CNBP: variants seen among roughly 807,000 people sequenced by gnomAD.
CNBP encodes cellular nucleic acid-binding protein.
A neutral mutation model predicts 21.2 loss-of-function variants in CNBP; 6 were observed. The observed-to-expected ratio is 0.28, with a 90% CI of 0.16 to 0.56. CNBP has a LOEUF of 0.56. CNBP is among the 20% of genes least tolerant of loss of function. CNBP has a pLI of 0.93. For missense variants in CNBP, 112 were observed against 233.1 expected (o/e 0.48, Z 3.38); for synonymous variants, 61 against 74.9 (o/e 0.81, Z 0.96).
At chr3:129,177,171 G>A (rs1468185523) in intron 1 of CNBP, among the ~76,000 whole-genome samples, 1 of 152,142 alleles carries the variant, frequency 6.6e-6, no homozygotes, top group Non-Finnish European at 1.5e-5. Flanking sequence ...ACTTTTGTCA[G>A]GCAGCAGGAA....
intron 4 of CNBP, 24 bp downstream of exon 4, chr3:129,171,055 T>C (rs757705986): frequency 6.3e-7 from 1 of 1,599,372 alleles, no homozygotes; most frequent in Non-Finnish European, 8.5e-7. Flanking sequence ...TGAGTTTTCT[T>C]CTAACAACAT....
chr3:129,174,371 A>AC (rs1383057399), intron 1 of CNBP, among the ~76,000 whole-genome samples: 1 of 150,210 alleles, frequency 6.7e-6, no homozygotes, highest in Non-Finnish European at 1.5e-5. Context: ...AAAAAAAAAA[A>AC]AAACGAATGG....
Position 129,170,348 on chromosome 3 carries a change from G to T in CNBP, c.*105C>A. 1.1e-6 allele frequency: 1 copy of T among 920,048 alleles called. No individual in the cohort carries two copies. Among genetic ancestry groups the T allele is most frequent in the Non-Finnish European group, 1.8e-6 (1 of 560,788 alleles). The allele number at this position is 920,048 out of a possible 1,614,324, so 57.0% of individuals were successfully genotyped here. ...TTTTACACGGCAAGTAAAGCTCACT[G>T]GCCTGGGAGTTGCCTCTATCTGCCA... On this transcript the variant is annotated 3_prime_UTR_variant, in exon 5 of 5. Coordinates refer to ENST00000422453, the MANE Select transcript of CNBP (RefSeq NM_003418.5).
Position 129,171,525 on chromosome 3 carries a change from A to G in CNBP, c.138T>C (p.Val46=). ...GFTSDRGFQF[V]SSSLPDICYR... ...AACAAATGTCTGGAAGAGACGAGGAAACAAACTGGAAACCTGTTTTGAGCA... is the reference window on the plus strand; with the variant it reads ...AACAAATGTCTGGAAGAGACGAGGAGACAAACTGGAAACCTGTTTTGAGCA... Residue 46 remains valine (V), a synonymous_variant, in exon 3 of 5, where the codon GTT becomes GTC. Coordinates refer to ENST00000422453, the MANE Select transcript of CNBP (RefSeq NM_003418.5). 1 of 1,614,110 alleles carries G rather than the reference A, an allele frequency of 6.2e-7. No individual in the cohort carries two copies. Among genetic ancestry groups the G allele is most frequent in the Non-Finnish European group, 8.5e-7 (1 of 1,179,936 alleles).
At chr3:129,173,192 TAAC>T (rs1318536554) in intron 1 of CNBP, among the ~76,000 whole-genome samples, 1 of 152,202 alleles carries the variant, frequency 6.6e-6, no homozygotes, top group Non-Finnish European at 1.5e-5. Context: ...AATACAATGT[TAAC>T]AACTACTTAT....
intron 1 of CNBP, among the ~76,000 whole-genome samples, chr3:129,178,010 T>C (rs1026370359): frequency 5.9e-5 from 9 of 151,850 alleles, no homozygotes; most frequent in African/African-American, 2.2e-4. Context: ...AATACAAAAA[T>C]TAGCTGGACA....
At chr3:129,179,293 G>GA (rs112692201) in intron 1 of CNBP, among the ~76,000 whole-genome samples, 6 of 149,948 alleles carry the variant, frequency 4.0e-5, no homozygotes, top group South Asian at 4.2e-4. Context: ...AAAAAAAGAA[G>GA]AAAAAAAAAG....
intron 1 of CNBP, among the ~76,000 whole-genome samples, chr3:129,175,194 C>T (rs1297656560): frequency 2.0e-5 from 3 of 151,826 alleles, no homozygotes; most frequent in South Asian, 2.1e-4. Context: ...GTGGTGGTAA[C>T]GCGCCTGTAG....
intron 1 of CNBP, among the ~76,000 whole-genome samples, chr3:129,175,720 G>A (rs756129048): frequency 1.3e-5 from 2 of 152,138 alleles, no homozygotes; most frequent in Non-Finnish European, 2.9e-5. Flanking sequence ...GAGCCACTGC[G>A]CCCAGCCTGT....
rs138707115 is a variant in CNBP, at chr3:129,180,637, G to C, written c.-15+3139C>G. The stretch of plus-strand genomic sequence containing the variant: ...TGCAGCATCTGACACTGCCAGAACA[G>C]GAGTTCTATTAAGTGAGACAGTAAG... On this transcript the variant is annotated intron_variant, in intron 1 of 4. Transcript: ENST00000422453. 3.3e-5 allele frequency among the ~76,000 whole-genome samples: 5 copies of C among 152,334 alleles called. No homozygotes were observed. The East Asian group carries it at 9.6e-4, about 29-fold the overall frequency.
At chr3:129,180,803 A>T (rs1302759472) in intron 1 of CNBP, among the ~76,000 whole-genome samples, 1 of 152,064 alleles carries the variant, frequency 6.6e-6, no homozygotes, top group African/African-American at 2.4e-5. Flanking sequence ...CAAGGAAAAA[A>T]AAGCAGAATC....
intron 1 of CNBP, among the ~76,000 whole-genome samples, chr3:129,174,193 C>A (rs61682980): frequency 6.6e-6 from 1 of 151,866 alleles, no homozygotes. Flanking sequence ...CAAAACATTT[C>A]TAGTCAGAAC....
At chr3:129,183,185 T>G (rs1163258341) in intron 1 of CNBP, among the ~76,000 whole-genome samples, 1 of 152,134 alleles carries the variant, frequency 6.6e-6, no homozygotes, top group Admixed American at 6.6e-5. Context: ...CCTGACCTCG[T>G]GATCCGCCCG....
chr3:129,179,675 CAT>C (rs1182580818), intron 1 of CNBP, among the ~76,000 whole-genome samples: 1 of 152,134 alleles, frequency 6.6e-6, no homozygotes, highest in African/African-American at 2.4e-5. Context: ...GCCTGGCCAA[CAT>C]AGTGACACCC....
chr3:129,171,500 A>C lies in CNBP; in HGVS notation c.163T>G (p.Tyr55Asp). 1 of 1,614,144 alleles carries C rather than the reference A, an allele frequency of 6.2e-7. No homozygotes were observed. Among genetic ancestry groups the C allele is most frequent in the Non-Finnish European group, 8.5e-7 (1 of 1,179,956 alleles). The change falls in exon 3 of 5, where the codon TAT becomes GAT. Residue 55 changes from tyrosine to aspartate, a missense_variant. By Grantham distance (160) the Tyr-to-Asp change is radical. Transcript: ENST00000422453. ...FVSSSLPDIC[Y>D]RCGESGHLAK... ...AGATGACCAGACTCACCACAGCGAT[A>C]ACAAATGTCTGGAAGAGACGAGGAA...
chr3:129,180,671 G>A (rs758133694), intron 1 of CNBP, among the ~76,000 whole-genome samples: 27 of 152,106 alleles, frequency 1.8e-4, no homozygotes, highest in Non-Finnish European at 3.2e-4. Context: ...AGGAAAGAGC[G>A]TTCTCCACAT....
chr3:129,180,698 T>C (rs888634338), intron 1 of CNBP, among the ~76,000 whole-genome samples: 3 of 152,170 alleles, frequency 2.0e-5, no homozygotes, highest in South Asian at 2.1e-4. Context: ...CCAGGATGCC[T>C]TGGCATCATT....
In CNBP at chr3:129,168,700, A is replaced by C. The variant is rs76579965; in HGVS notation, c.*1753T>G. 0.027 allele frequency among the ~76,000 whole-genome samples: 4,059 copies of C among 149,158 alleles called. 169 individuals are homozygous for C. Among genetic ancestry groups the C allele is most frequent in the African/African-American group, 0.095 (3,829 of 40,518 alleles). On this transcript the variant is annotated 3_prime_UTR_variant, in exon 5 of 5. Transcript: ENST00000422453. ...GAATCGGCCAGACACGGTGGCTCGCACCTGTAACACTAGCACTTTGGGGGG... is the reference window on the plus strand; with the variant it reads ...GAATCGGCCAGACACGGTGGCTCGCCCCTGTAACACTAGCACTTTGGGGGG...
At chr3:129,181,239 CAAAAAAAAAAAAAAAAAA>C (rs10587328) in intron 1 of CNBP, among the ~76,000 whole-genome samples, 1 of 53,162 alleles carries the variant, frequency 1.9e-5, no homozygotes, top group African/African-American at 8.4e-5. Flanking sequence ...GACTCTGTCT[CAAAAAAAAAAAAAAAAAA>C]AAAAAAAAAG....
Sources: allele counts gnomAD v4.1 joint callset (sites outside exome capture counted in the v4.1 genomes callset), GRCh38; gene constraint gnomAD v4.1.1; transcripts MANE v1.5; gene names NCBI Gene and HGNC (gene_info 2026-07-23, HGNC 2026-07-21).